Variants in GPATCH2 observed in about 807,000 individuals in gnomAD.
GPATCH2 encodes the protein G-patch domain containing 2, also known as G patch domain-containing protein 2.
Under a neutral mutation model 58.0 loss-of-function variants are expected in GPATCH2, and 51 were observed. The observed-to-expected ratio is 0.88, with a 90% confidence interval of 0.70 to 1.11. The LOEUF (loss-of-function observed/expected upper bound fraction) is 1.11, where lower values mean the gene tolerates loss of function less well. Ranked by LOEUF, GPATCH2 falls within the 50% of genes most tolerant of loss-of-function variation. The pLI is 0.00. For synonymous variants in GPATCH2, 222 were observed against 218.5 expected, an observed-to-expected ratio of 1.02 and a Z score of -0.14; for missense variants, 625 against 652.2, an observed-to-expected ratio of 0.96 and a Z score of 0.45.
At chr1:217,566,988 G>GT (rs895776051) in intron 5 of GPATCH2, among the ~76,000 whole-genome samples, 4 of 150,266 alleles carry the variant, frequency 2.7e-5, no homozygotes, top group Non-Finnish European at 5.9e-5. Flanking sequence ...ATAGTAAAAG[G>GT]TTTTTTTATG....
intron 8 of GPATCH2, among the ~76,000 whole-genome samples, chr1:217,452,479 A>G (rs184388365): frequency 2.6e-5 from 4 of 152,274 alleles, no homozygotes; most frequent in Admixed American, 6.5e-5. Context: ...TATTAATACC[A>G]TTGGTTTCTA....
chr1:217,599,145 T>C (rs1667994767), intron 5 of GPATCH2, among the ~76,000 whole-genome samples: 1 of 152,032 alleles, frequency 6.6e-6, no homozygotes, highest in Admixed American at 6.6e-5. Context: ...ACTGAGAACA[T>C]AACACCATCT....
chr1:217,461,010 C>G (rs909600889), intron 8 of GPATCH2, among the ~76,000 whole-genome samples: 1 of 152,058 alleles, frequency 6.6e-6, no homozygotes, highest in African/African-American at 2.4e-5. Flanking sequence ...GCTTGTCGTG[C>G]AAAGTAATAT....
At chr1:217,540,845 CCA>C (rs1451487909) in intron 5 of GPATCH2, among the ~76,000 whole-genome samples, 1 of 152,160 alleles carries the variant, frequency 6.6e-6, no homozygotes, top group African/African-American at 2.4e-5. Flanking sequence ...ATATCTGTTC[CCA>C]CAGTCTCTCT....
At chr1:217,470,073 T>C (rs1660649403) in intron 8 of GPATCH2, among the ~76,000 whole-genome samples, 1 of 152,192 alleles carries the variant, frequency 6.6e-6, no homozygotes, top group African/African-American at 2.4e-5. Context: ...CCTGCAGGTG[T>C]ATCCTAATCA....
chr1:217,448,468 G>A (rs1027868612), intron 9 of GPATCH2, among the ~76,000 whole-genome samples: 1 of 152,148 alleles, frequency 6.6e-6, no homozygotes, highest in Non-Finnish European at 1.5e-5. Flanking sequence ...ACATTTTAAT[G>A]TCCACTTGGC....
chr1:217,556,904 T>G (rs1215982520), intron 5 of GPATCH2, among the ~76,000 whole-genome samples: 1 of 152,228 alleles, frequency 6.6e-6, no homozygotes, highest in Non-Finnish European at 1.5e-5. Context: ...AAATGCTATC[T>G]CACTGTGACT....
At chr1:217,474,124 C>A (rs1344342079) in intron 8 of GPATCH2, among the ~76,000 whole-genome samples, 1 of 152,032 alleles carries the variant, frequency 6.6e-6, no homozygotes, top group Non-Finnish European at 1.5e-5. Context: ...TAATGATGGG[C>A]ACTGCTTATG....
At chr1:217,504,280 A>C (rs1031789668) in intron 6 of GPATCH2, among the ~76,000 whole-genome samples, 3 of 152,174 alleles carry the variant, frequency 2.0e-5, no homozygotes, top group Non-Finnish European at 2.9e-5. Flanking sequence ...TATAGGAATG[A>C]GAGGAGGCGA....
At chr1:217,541,155 C>CA (rs1295763778) in intron 5 of GPATCH2, among the ~76,000 whole-genome samples, 1 of 152,184 alleles carries the variant, frequency 6.6e-6, no homozygotes, top group Non-Finnish European at 1.5e-5. Context: ...CTCCTTTTGA[C>CA]AGAGTACTAC....
At chr1:217,609,147 C>G in intron 5 of GPATCH2, 1 of 938,656 alleles carries the variant, frequency 1.1e-6, no homozygotes, top group Non-Finnish European at 1.3e-6. Context: ...TTTTGAAGAA[C>G]TCAAATGGCT....
chr1:217,614,786 A>G (rs1041840118), intron 2 of GPATCH2, among the ~76,000 whole-genome samples: 1 of 151,926 alleles, frequency 6.6e-6, no homozygotes, highest in Non-Finnish European at 1.5e-5. Flanking sequence ...AAAAAAAAAA[A>G]AAAATAATAT....
chr1:217,597,141 A>T (rs1038904207), intron 5 of GPATCH2, among the ~76,000 whole-genome samples: 7 of 151,752 alleles, frequency 4.6e-5, no homozygotes, highest in Non-Finnish European at 1.0e-4. Context: ...CATGGACAAC[A>T]TAGCAAGACC....
intron 8 of GPATCH2, among the ~76,000 whole-genome samples, chr1:217,453,000 G>A (rs1659743007): frequency 6.6e-6 from 1 of 152,126 alleles, no homozygotes; most frequent in African/African-American, 2.4e-5. Flanking sequence ...CAGGTGCAGT[G>A]GAGTTGCTAC....
At chr1:217,460,694 C>T (rs900951030) in intron 8 of GPATCH2, among the ~76,000 whole-genome samples, 1 of 152,230 alleles carries the variant, frequency 6.6e-6, no homozygotes, top group Non-Finnish European at 1.5e-5. Flanking sequence ...TTCTATAAAT[C>T]TGTCTATTCA....
chr1:217,476,093 C>G (rs1488614709), intron 8 of GPATCH2, among the ~76,000 whole-genome samples: 1 of 151,336 alleles, frequency 6.6e-6, no homozygotes, highest in African/African-American at 2.4e-5. Context: ...GCACATAGAA[C>G]AAAAAGCAAA....
chr1:217,462,493 A>G (rs561013517), intron 8 of GPATCH2, among the ~76,000 whole-genome samples: 13 of 152,104 alleles, frequency 8.5e-5, no homozygotes, highest in Non-Finnish European at 2.9e-5. Flanking sequence ...TTTAAATGGC[A>G]TAGAAATAAG....
chr1:217,466,324 G>A (rs1177557114), intron 8 of GPATCH2, among the ~76,000 whole-genome samples: 1 of 151,568 alleles, frequency 6.6e-6, no homozygotes, highest in Admixed American at 6.6e-5. Flanking sequence ...CTAAATGGCT[G>A]TATGTGTCAG....
Position 217,608,839 on chromosome 1 carries a change from T to C in GPATCH2, c.1098+1482A>G, listed in dbSNP as rs879173277. 6 of 984,944 alleles carry C rather than the reference T, an allele frequency of 6.1e-6. No homozygotes were observed. The South Asian group carries it at 1.9e-4, about 31-fold the overall frequency. The allele number at this position is 984,944 out of a possible 1,614,324, so 61.0% of individuals were successfully genotyped here. A position where few individuals can be genotyped will look rare whatever the true frequency, so the allele number is the denominator to read the frequency against. On this transcript the variant is annotated intron_variant, in intron 5 of 9. Transcript: ENST00000366935. ...CACCACACTATTGTACCTTTAAATA[T>C]GCAAAGGTAAAGAGACTCAAAGTTG... is the stretch of plus-strand genomic sequence containing the variant.
Sources: allele counts gnomAD v4.1 joint callset (sites outside exome capture counted in the v4.1 genomes callset), GRCh38; gene constraint gnomAD v4.1.1; transcripts MANE v1.5; gene names NCBI Gene and HGNC (gene_info 2026-07-23, HGNC 2026-07-21).